The following RBFOX1 variants were observed in gnomAD, a reference collection of about 807,000 sequenced individuals.
RBFOX1 encodes the protein RNA binding protein fox-1 homolog 1.
A neutral mutation model predicts 57.7 loss-of-function variants in RBFOX1; 8 were observed. That is an observed-to-expected ratio of 0.14 (90% CI 0.08 to 0.25). The LOEUF is 0.25. Among genes scored for constraint, RBFOX1 ranks in the 10% least tolerant of loss-of-function variants. The pLI, the probability that RBFOX1 is intolerant of heterozygous loss-of-function variation, is 1.00. For synonymous variants in RBFOX1, 326 were observed against 222.4 expected, an observed-to-expected ratio of 1.47 and a Z score of -4.15; for missense variants, 611 against 548.5, an observed-to-expected ratio of 1.11 and a Z score of -1.14.
At chr16:7,294,130 C>T (rs1298601722) in intron 4 of RBFOX1, among the ~76,000 whole-genome samples, 1 of 152,118 alleles carries the variant, frequency 6.6e-6, no homozygotes, top group African/African-American at 2.4e-5. Context: ...GAAGTCGAAA[C>T]ACAGAGAGTG....
chr16:7,474,960 C>A (rs936324827), intron 4 of RBFOX1, among the ~76,000 whole-genome samples: 1 of 152,182 alleles, frequency 6.6e-6, no homozygotes, highest in Non-Finnish European at 1.5e-5. Flanking sequence ...TGCAGAGCCG[C>A]CATCTTTCCC....
chr16:6,497,038 C>T (rs146414344), intron 2 of RBFOX1, among the ~76,000 whole-genome samples: 29 of 152,316 alleles, frequency 1.9e-4, no homozygotes, highest in African/African-American at 7.0e-4. Context: ...TCTTGGTTGG[C>T]TTATATGAGG....
intron 2 of RBFOX1, among the ~76,000 whole-genome samples, chr16:6,496,681 C>T (rs543776957): frequency 6.4e-4 from 98 of 152,218 alleles, no homozygotes; most frequent in Admixed American, 2.5e-3. Context: ...GAGTATTGGC[C>T]GGGCACGGTG....
chr16:5,933,665 T>C (rs930335676), intron 4 of RBFOX1, among the ~76,000 whole-genome samples: 3 of 152,226 alleles, frequency 2.0e-5, no homozygotes, highest in Admixed American at 6.5e-5. Context: ...GATTGTTCTC[T>C]TTCTGGGCCT....
At chr16:6,986,198 T>A (rs1358466052) in intron 3 of RBFOX1, among the ~76,000 whole-genome samples, 1 of 151,100 alleles carries the variant, frequency 6.6e-6, no homozygotes, top group Non-Finnish European at 1.5e-5. Flanking sequence ...ATTTATTTAT[T>A]TATTTATTTA....
chr16:7,178,483 C>T (rs973303765), intron 4 of RBFOX1, among the ~76,000 whole-genome samples: 1 of 152,130 alleles, frequency 6.6e-6, no homozygotes, highest in Non-Finnish European at 1.5e-5. Context: ...TAAATTGATT[C>T]AATTGATGTA....
At chr16:6,892,409 C>G (rs970887784) in intron 3 of RBFOX1, among the ~76,000 whole-genome samples, 1 of 152,144 alleles carries the variant, frequency 6.6e-6, no homozygotes, top group Admixed American at 6.5e-5. Context: ...GTGGCTCACA[C>G]CTATAATTCC....
chr16:7,228,884 G>A lies in RBFOX1; in HGVS notation c.27+176786G>A, dbSNP rs138981486. 3.7e-3 allele frequency among the ~76,000 whole-genome samples: 566 copies of A among 152,206 alleles called. 4 individuals are homozygous for A. The highest frequency in any genetic ancestry group is 0.013 in the African/African-American group (531 of 41,520). ...GTGTTTTACAGATCCACAGCTTCACGTTATCTGTTGCATTTTGAGAGAGAA... is the reference window on the plus strand; with the variant it reads ...GTGTTTTACAGATCCACAGCTTCACATTATCTGTTGCATTTTGAGAGAGAA... On this transcript the variant is annotated intron_variant, in intron 4 of 15. Transcript: ENST00000550418.
chr16:6,160,771 C>T (rs539910058), intron 1 of RBFOX1, among the ~76,000 whole-genome samples: 46 of 152,268 alleles, frequency 3.0e-4, no homozygotes, highest in Non-Finnish European at 5.1e-4. Context: ...CATCCTTATT[C>T]CATCCCGTCT....
chr16:5,490,719 A>C (rs1468544754), intron 2 of RBFOX1, among the ~76,000 whole-genome samples: 2 of 152,186 alleles, frequency 1.3e-5, no homozygotes, highest in Admixed American at 1.3e-4. Flanking sequence ...CCCGTGGACC[A>C]GAGCAGCCGC....
chr16:7,544,533 G>A (rs2083871132), intron 5 of RBFOX1, among the ~76,000 whole-genome samples: 2 of 152,108 alleles, frequency 1.3e-5, no homozygotes, highest in South Asian at 4.1e-4. Context: ...AGTCCAAGGG[G>A]CATCAAAGAC....
intron 2 of RBFOX1, among the ~76,000 whole-genome samples, chr16:6,471,831 G>T (rs189466893): frequency 6.6e-6 from 1 of 152,270 alleles, no homozygotes; most frequent in East Asian, 1.9e-4. Flanking sequence ...TAGCAGGGAT[G>T]CAGAGTGTGG....
intron 3 of RBFOX1, among the ~76,000 whole-genome samples, chr16:5,697,729 T>G (rs2050894356): frequency 6.6e-6 from 1 of 152,000 alleles, no homozygotes. Context: ...AGAAGGGTTA[T>G]CTGCATATTG....
chr16:6,131,144 C>T (rs2096626933), intron 1 of RBFOX1, among the ~76,000 whole-genome samples: 1 of 152,120 alleles, frequency 6.6e-6, no homozygotes, highest in Admixed American at 6.5e-5. Flanking sequence ...TCCTTTAGAG[C>T]TTTGGGTTCT....
intron 2 of RBFOX1, among the ~76,000 whole-genome samples, chr16:5,534,359 C>G (rs937041919): frequency 5.5e-4 from 84 of 152,296 alleles, no homozygotes; most frequent in African/African-American, 1.8e-3. Flanking sequence ...CCCCCAATAG[C>G]TGTCTTCAAG....
At chr16:7,019,068 G>C (rs1597160068) in intron 3 of RBFOX1, among the ~76,000 whole-genome samples, 1 of 152,168 alleles carries the variant, frequency 6.6e-6, no homozygotes, top group South Asian at 2.1e-4. Flanking sequence ...TTAGAAGTGT[G>C]TGTGTGTGAG....
At chr16:7,140,556 G>A (rs2073482892) in intron 4 of RBFOX1, among the ~76,000 whole-genome samples, 1 of 152,056 alleles carries the variant, frequency 6.6e-6, no homozygotes, top group African/African-American at 2.4e-5. Context: ...ATAAATGAAT[G>A]CATTGATGAA....
At chr16:7,048,829 G>C (rs2048950550) in intron 3 of RBFOX1, among the ~76,000 whole-genome samples, 2 of 152,088 alleles carry the variant, frequency 1.3e-5, no homozygotes, top group African/African-American at 4.8e-5. Context: ...GGAGACTCTA[G>C]GTCTTGTTTA....
upstream of RBFOX1, among the ~76,000 whole-genome samples, chr16:6,016,194 C>T (rs1423076483): frequency 6.6e-6 from 1 of 152,130 alleles, no homozygotes; most frequent in African/African-American, 2.4e-5. Context: ...TAAGCTGAGA[C>T]AAATGACAGG....
Sources: gnomAD v4.1 joint callset for allele counts (sites outside exome capture counted in the v4.1 genomes callset) on GRCh38, gnomAD v4.1.1 for gene constraint, MANE v1.5 for transcripts, NCBI Gene and HGNC (gene_info 2026-07-23, HGNC 2026-07-21) for gene names.